Variants in RD3 observed in about 807,000 individuals in gnomAD.
RD3 encodes RD3 regulator of GUCY2D.
Under a neutral mutation model 16.9 loss-of-function variants are expected in RD3, and 11 were observed. The ratio of observed to expected loss-of-function variants is 0.65; its 90% CI spans 0.41 to 1.08. The LOEUF is 1.08. Among genes scored for constraint, RD3 ranks in the 50% least tolerant of loss-of-function variants. The pLI, the probability that RD3 is intolerant of heterozygous loss-of-function variation, is 0.00. For synonymous variants in RD3, 116 were observed against 114.8 expected, an observed-to-expected ratio of 1.01 and a Z score of -0.07; for missense variants, 274 against 267.4, an observed-to-expected ratio of 1.02 and a Z score of -0.17.
chr1:211,481,767 A>G (rs1705271448), intron 1 of RD3, among the ~76,000 whole-genome samples: 1 of 152,188 alleles, frequency 6.6e-6, no homozygotes, highest in South Asian at 2.1e-4. Flanking sequence ...AACTCCCAAC[A>G]AAGCTGGAAA....
Position 211,485,141 on chromosome 1 carries a change from G to A in RD3, c.-11-3715C>T, listed in dbSNP as rs577893716. Among the ~76,000 whole-genome samples, 197 of 152,260 alleles carry A rather than the reference G, an allele frequency of 1.3e-3. 3 individuals are homozygous for A. The highest frequency in any genetic ancestry group is 4.4e-3 in the African/African-American group (181 of 41,548). ...CTGCTTCCCTGGGCTTAAGGCTCCC[G>A]ACCTGAGCTGGCCGCTAGAGAAGGT... On this transcript the variant is annotated intron_variant, in intron 1 of 2. Coordinates refer to ENST00000680073, the MANE Select transcript of RD3 (RefSeq NM_001164688.2).
At chr1:211,486,545 G>C (rs1705378545) in intron 1 of RD3, among the ~76,000 whole-genome samples, 1 of 149,802 alleles carries the variant, frequency 6.7e-6, no homozygotes, top group Non-Finnish European at 1.5e-5. Flanking sequence ...ATATGAGCTG[G>C]ATGTTAGAAA....
At position 211,478,409 on chromosome 1, in the gene RD3, T is replaced by A. The variant is rs758825684; in HGVS notation, c.*627A>T. On this transcript the variant is annotated 3_prime_UTR_variant, in exon 3 of 3. Transcript: ENST00000680073. ...ACTATTCATGCAGGAACAATCTCAC[T>A]GTTCATGAGGAGCTGGCTGCAGTTA... The A allele has an allele frequency of 7.9e-6, 3 of 381,298 alleles. No individual in the cohort carries two copies. 23.6% of individuals were successfully genotyped at this position (381,298 alleles called of 1,614,324 possible).
In RD3 at chr1:211,477,846, C is replaced by T. The variant is rs1011235038; in HGVS notation, c.*1190G>A. On this transcript the variant is annotated 3_prime_UTR_variant, in exon 3 of 3. Transcript: ENST00000680073. ...TGAGGGTAGACACTTCCCCACCCAT[C>T]CCCCTTACACCCCACTTCAACCCCA... The T allele has an allele frequency of 4.9e-5, 18 of 366,250 alleles. No individual in the cohort carries two copies. The East Asian group carries it at 6.8e-4, about 14-fold the overall frequency. The allele number at this position is 366,250 out of a possible 1,614,324, so 22.7% of individuals were successfully genotyped here.
intron 2 of RD3, 152 bp from the exon 3 acceptor site, chr1:211,479,479 TG>T (rs1705219291): frequency 2.8e-6 from 2 of 708,604 alleles, no homozygotes; most frequent in South Asian, 3.8e-5. Context: ...CACCCCACGC[TG>T]CTACTGCTTC....
chr1:211,481,351 G>C lies in RD3; in HGVS notation c.65C>G (p.Ala22Gly). 2.5e-6 allele frequency: 4 copies of C among 1,614,064 alleles called. No individual in the cohort carries two copies. The highest frequency in any genetic ancestry group is 3.4e-6 in the Non-Finnish European group (4 of 1,180,034). Reference sequence around the variant, plus strand: ...CATAAGCGTCTCCAGCACCATCTCAGCAGGGCTCCTGGTGGACAGCCGGGA... The same window carrying C: ...CATAAGCGTCTCCAGCACCATCTCACCAGGGCTCCTGGTGGACAGCCGGGA... The part of the protein sequence containing the change: ...APSRLSTRSP[A>G]EMVLETLMME... The change falls in exon 2 of 3, where the codon GCT (alanine) becomes GGT (glycine). Residue 22 changes from alanine to glycine, a missense_variant. Ala to Gly is a moderately conservative substitution (Grantham distance 60). Transcript: ENST00000680073.
chr1:211,479,587 GAGCTATA>G (rs1330885165), intron 2 of RD3, among the ~76,000 whole-genome samples: 2 of 152,232 alleles, frequency 1.3e-5, no homozygotes, highest in Non-Finnish European at 2.9e-5. Context: ...GCCTTTGTGT[GAGCTATA>G]ATGAACTAAG....
chr1:211,478,036 GTC>G lies in RD3; in HGVS notation c.*998_*999del, dbSNP rs2102365544. 2.5e-6 allele frequency: 1 copy of G among 398,706 alleles called. No homozygotes were observed. The highest frequency in any genetic ancestry group is 1.3e-4 in the South Asian group (1 of 7,860). 24.7% of individuals were successfully genotyped at this position (398,706 alleles called of 1,614,324 possible). A position where few individuals can be genotyped will look rare whatever the true frequency, so the allele number is the denominator to read the frequency against. ...ATTTCACTCAGCTGCCTCAAGGTCA[GTC>G]AGGGGTTTGGGCATCACTTTCTGGA... On this transcript the variant is annotated 3_prime_UTR_variant, in exon 3 of 3. Transcript: ENST00000680073.
rs779812115 is a variant in RD3 at position 211,481,218 on chromosome 1, T to C, written c.198A>G (p.Thr66=). Residue 66 remains threonine, a synonymous_variant, in exon 2 of 3, where the codon ACA becomes ACG. Coordinates refer to ENST00000680073, the MANE Select transcript of RD3 (RefSeq NM_001164688.2). ...GGCTGAGGTCATAGGTGGACCGGGG[T>C]GTGCTGGCCAGCCAGCTGTAGTCCA... ...TGVDYSWLAS[T]PRSTYDLSPI... 3 of 1,614,250 alleles carry C rather than the reference T, an allele frequency of 1.9e-6. No individual in the cohort carries two copies. Among genetic ancestry groups the C allele is most frequent in the Admixed American group, 3.3e-5 (2 of 60,034 alleles).
intron 2 of RD3, among the ~76,000 whole-genome samples, chr1:211,479,818 T>C (rs1705227098): frequency 1.3e-5 from 2 of 152,206 alleles, no homozygotes; most frequent in Non-Finnish European, 2.9e-5. Flanking sequence ...CCCCTGATAC[T>C]TCCCTGGAAG....
chr1:211,480,259 G>C (rs528905380), intron 2 of RD3, among the ~76,000 whole-genome samples: 2 of 152,122 alleles, frequency 1.3e-5, no homozygotes, highest in Non-Finnish European at 1.5e-5. Context: ...GATGGTAAAA[G>C]CTCTGCAAAA....
intron 1 of RD3, among the ~76,000 whole-genome samples, chr1:211,488,857 TCACCCC>T (rs1705429487): frequency 6.6e-6 from 1 of 152,140 alleles, no homozygotes. Context: ...ATCCCCACTC[TCACCCC>T]CACTCACCAC....
chr1:211,483,084 G>T (rs1288681947), intron 1 of RD3, among the ~76,000 whole-genome samples: 1 of 151,940 alleles, frequency 6.6e-6, no homozygotes, highest in African/African-American at 2.4e-5. Context: ...GGTAGCAGCA[G>T]CCTTCTGGAA....
At position 211,478,926 on chromosome 1, in the gene RD3, GGT is replaced by G; in HGVS notation, c.*108_*109del. 9.7e-7 allele frequency: 1 copy of G among 1,028,218 alleles called. No individual in the cohort carries two copies. The highest frequency in any genetic ancestry group is 2.9e-5 in the Admixed American group (1 of 34,912). 63.7% of individuals were successfully genotyped at this position (1,028,218 alleles called of 1,614,324 possible). On this transcript the variant is annotated 3_prime_UTR_variant, in exon 3 of 3. Transcript: ENST00000680073. ...CGTCTTGGGATGGGGCCGCCTCTTGGGTCTCCTCGTCAGGCCTAGGTGGGGAG... is the reference window on the plus strand; with the variant it reads ...CGTCTTGGGATGGGGCCGCCTCTTGGCTCCTCGTCAGGCCTAGGTGGGGAG...
chr1:211,480,651 T>TACACAC lies in RD3; in HGVS notation c.296+463_296+468dup, dbSNP rs3041254. ...CCCAGGGTTTTGTTTGAACCCTTCC[T>TACACAC]ACACACACACACACACACACACACA... On this transcript the variant is annotated intron_variant, in intron 2 of 2. Transcript: ENST00000680073. Among the ~76,000 whole-genome samples, 131 of 149,078 alleles carry TACACAC rather than the reference T, an allele frequency of 8.8e-4. 2 individuals carry two copies. The highest frequency in any genetic ancestry group is 3.0e-3 in the African/African-American group (121 of 40,730).
chr1:211,488,449 T>A lies in RD3; in HGVS notation c.-12+3319A>T, dbSNP rs1705419814. 2.7e-5 allele frequency among the ~76,000 whole-genome samples: 4 copies of A among 150,714 alleles called. No individual in the cohort carries two copies. The South Asian group carries it at 8.4e-4, about 32-fold the overall frequency. On this transcript the variant is annotated intron_variant, in intron 1 of 2. Transcript: ENST00000680073. ...ACTCAGGAGGCTGAGGCATGAGAAT[T>A]GCTTGAACCCGGGAGGTGGAGGCTG...
At chr1:211,480,843 T>C (rs1705243408) in intron 2 of RD3, among the ~76,000 whole-genome samples, 1 of 152,090 alleles carries the variant, frequency 6.6e-6, no homozygotes, top group Admixed American at 6.5e-5. Flanking sequence ...ACAATAACAA[T>C]CTGGGCAGGA....
rs75135989 is a variant in RD3 at position 211,478,594 on chromosome 1, G to T, written c.*442C>A. 2 of 217,196 alleles carry T rather than the reference G, an allele frequency of 9.2e-6. No individual in the cohort carries two copies. Among genetic ancestry groups the T allele is most frequent in the Non-Finnish European group, 1.8e-5 (2 of 111,182 alleles). The allele number at this position is 217,196 out of a possible 1,614,324, so 13.5% of individuals were successfully genotyped here. On this transcript the variant is annotated 3_prime_UTR_variant, in exon 3 of 3. Transcript: ENST00000680073. Reference sequence around the variant, plus strand: ...AGCTCAGCCAGTCACTAGCAAGAAGGCATACCAGCCAACAGGTCCCTTCTC... The same window carrying T: ...AGCTCAGCCAGTCACTAGCAAGAAGTCATACCAGCCAACAGGTCCCTTCTC...
rs1572140623 is a variant in RD3, at chr1:211,479,439, T to G, written c.297-112A>C. 1.1e-5 allele frequency: 10 copies of G among 931,452 alleles called. No individual in the cohort carries two copies. In the East Asian group the frequency reaches 2.6e-4, roughly 25 times the overall value. The allele number at this position is 931,452 out of a possible 1,614,324, so 57.7% of individuals were successfully genotyped here. On this transcript the variant is annotated intron_variant, in intron 2 of 2. Coordinates refer to ENST00000680073, the MANE Select transcript of RD3 (RefSeq NM_001164688.2). ...GCATCCTCATGGCCAATTAGTCCAC[T>G]CTACTCTGCTCCTGAAGCGAATCAG...
Sources: allele counts gnomAD v4.1 joint callset (sites outside exome capture counted in the v4.1 genomes callset), GRCh38; gene constraint gnomAD v4.1.1; transcripts MANE v1.5; gene names NCBI Gene and HGNC (gene_info 2026-07-23, HGNC 2026-07-21).